TDRD7: variants seen among roughly 807,000 people sequenced by gnomAD.
The protein encoded by TDRD7 is tudor domain containing 7, also known as tudor domain-containing protein 7.
In TDRD7, 47 loss-of-function variants were observed where a neutral mutation model predicts 109.8. That is an observed-to-expected ratio of 0.43 (90% CI 0.34 to 0.55). The LOEUF is 0.55. TDRD7 is among the 20% of genes least tolerant of loss of function. The pLI, the probability that TDRD7 is intolerant of heterozygous loss-of-function variation, is 0.03. For synonymous variants in TDRD7, 424 were observed against 457.3 expected (o/e 0.93, Z 0.93); for missense variants, 1,164 against 1,319.2 (o/e 0.88, Z 1.82).
intron 1 of TDRD7, among the ~76,000 whole-genome samples, chr9:97,425,820 G>T (rs1200396029): frequency 1.3e-5 from 2 of 152,176 alleles, no homozygotes; most frequent in Non-Finnish European, 2.9e-5. Context: ...TGCATTGTTA[G>T]GCAGTTTCAT....
chr9:97,446,645 G>C lies in TDRD7; in HGVS notation c.855+4770G>C, dbSNP rs149959255. Among the ~76,000 whole-genome samples the C allele has an allele frequency of 1.6e-3, 244 of 152,264 alleles. 1 individual carries two copies. The highest frequency in any genetic ancestry group is 5.6e-3 in the African/African-American group (233 of 41,560). The stretch of plus-strand genomic sequence containing the variant: ...ATTCTTAAAATTCTGAGTTGCATCA[G>C]TATAGCAGTTTCTCTAATATCAAAG... On this transcript the variant is annotated intron_variant, in intron 6 of 16. Coordinates refer to ENST00000355295, the MANE Select transcript of TDRD7 (RefSeq NM_014290.3).
At chr9:97,418,969 A>G (rs1350163375) in intron 1 of TDRD7, among the ~76,000 whole-genome samples, 1 of 152,210 alleles carries the variant, frequency 6.6e-6, no homozygotes, top group Non-Finnish European at 1.5e-5. Context: ...GCAAAGGGTA[A>G]GGCCTTCTTA....
In TDRD7 at chr9:97,475,450, G is replaced by A. The variant is rs1474489432; in HGVS notation, c.2147G>A (p.Gly716Glu). 7.4e-6 allele frequency: 12 copies of A among 1,613,066 alleles called. No individual in the cohort carries two copies. Among genetic ancestry groups the A allele is most frequent in the Non-Finnish European group, 9.3e-6 (11 of 1,179,334 alleles). Residue 716 changes from glycine to glutamate, a missense_variant, in exon 12 of 17, where the codon GGA (glycine) becomes GAA (glutamate). Physicochemically the swap from Gly to Glu is moderately conservative, Grantham distance 98 (BLOSUM62 -2). This residue lies in a region of TDRD7 where 261 missense variants were observed against 336.2 expected (regional missense o/e 0.78). Coordinates refer to ENST00000355295, the MANE Select transcript of TDRD7 (RefSeq NM_014290.3). ...AAAATCTGCCTCTTCCATTGCAAAGGAAAATGGTTACGAGTAGAGGTAAAA... is the reference window on the plus strand; with the variant it reads ...AAAATCTGCCTCTTCCATTGCAAAGAAAAATGGTTACGAGTAGAGGTAAAA... ...CGKICLFHCK[G>E]KWLRVEITNV...
At chr9:97,429,279 C>T (rs1316122119) in intron 2 of TDRD7, among the ~76,000 whole-genome samples, 2 of 152,256 alleles carry the variant, frequency 1.3e-5, no homozygotes, top group South Asian at 2.1e-4. Flanking sequence ...TAGTGGTAGC[C>T]GGTTGATCTG....
In TDRD7 at chr9:97,478,424, C is replaced by T; in HGVS notation, c.2167-15C>T. 6.2e-7 allele frequency: 1 copy of T among 1,613,914 alleles called. No homozygotes were observed. The highest frequency in any genetic ancestry group is 8.5e-7 in the Non-Finnish European group (1 of 1,179,908). ...GAATATGCTAATAAATGAGCCAACA[C>T]TTATCTCATTTCAGATCACAAATGT... On this transcript the variant is annotated splice_polypyrimidine_tract_variant and intron_variant, in intron 12 of 16. Transcript: ENST00000355295.
At chr9:97,447,950 T>C (rs559160131) in intron 6 of TDRD7, among the ~76,000 whole-genome samples, 2 of 152,318 alleles carry the variant, frequency 1.3e-5, no homozygotes, top group Non-Finnish European at 2.9e-5. Flanking sequence ...CTAAAGAGCA[T>C]TGGTGAAAGG....
intron 6 of TDRD7, among the ~76,000 whole-genome samples, chr9:97,446,073 A>G (rs1432615607): frequency 6.6e-6 from 1 of 152,186 alleles, no homozygotes; most frequent in Non-Finnish European, 1.5e-5. Flanking sequence ...TCAAGGTTGC[A>G]GAGCTATGAT....
In TDRD7 at chr9:97,460,899, T is replaced by TG. The variant is rs1828708040; in HGVS notation, c.1442+138dup. 1.1e-5 allele frequency: 9 copies of TG among 819,628 alleles called. No individual in the cohort carries two copies. In the South Asian group the frequency reaches 1.3e-4, roughly 12 times the overall value. 50.8% of individuals were successfully genotyped at this position (819,628 alleles called of 1,614,324 possible). On this transcript the variant is annotated intron_variant, in intron 7 of 16. Transcript: ENST00000355295. ...GCTCACACCTGTAATCCCAGCACTT[T>TG]GGGAGGCCGAGGTGGGCGGATCACA... is the stretch of plus-strand genomic sequence containing the variant.
intron 1 of TDRD7, among the ~76,000 whole-genome samples, chr9:97,413,753 C>T (rs892024009): frequency 3.9e-5 from 6 of 152,214 alleles, no homozygotes; most frequent in Non-Finnish European, 7.3e-5. Flanking sequence ...ACACAGCCTC[C>T]GTCTTTGGTA....
intron 6 of TDRD7, among the ~76,000 whole-genome samples, chr9:97,457,967 T>TA (rs1564205065): frequency 6.6e-6 from 1 of 152,076 alleles, no homozygotes; most frequent in Non-Finnish European, 1.5e-5. Context: ...GAACAACACT[T>TA]ACCAGGGCCT....
At chr9:97,431,386 G>A (rs1186926311) in intron 3 of TDRD7, among the ~76,000 whole-genome samples, 1 of 152,076 alleles carries the variant, frequency 6.6e-6, no homozygotes, top group Non-Finnish European at 1.5e-5. Flanking sequence ...AATGTTGGCT[G>A]CACCAAGAAC....
At chr9:97,470,694 C>G in intron 9 of TDRD7, 25 bp downstream of exon 9, 1 of 1,567,274 alleles carries the variant, frequency 6.4e-7, no homozygotes, top group East Asian at 2.2e-5. Flanking sequence ...TTAAAAAACT[C>G]TCTCCATTTC....
At chr9:97,413,292 A>G (rs1191082282) in intron 1 of TDRD7, among the ~76,000 whole-genome samples, 1 of 152,242 alleles carries the variant, frequency 6.6e-6, no homozygotes, top group Non-Finnish European at 1.5e-5. Flanking sequence ...ACTGCAAATA[A>G]TGTGAACTTT....
intron 1 of TDRD7, among the ~76,000 whole-genome samples, chr9:97,413,270 A>T (rs1417021915): frequency 1.3e-5 from 2 of 152,222 alleles, no homozygotes; most frequent in African/African-American, 4.8e-5. Flanking sequence ...GATGTGTATG[A>T]ATGTGTTGCA....
rs1347736828 is a variant in TDRD7 at position 97,432,054 on chromosome 9, G to A, written c.379G>A (p.Gly127Arg). Reference protein sequence around the residue: ...GKPKATLRQPGFASNFSVGKK... With the variant: ...GKPKATLRQPRFASNFSVGKK... ...ACCAAAAGCAACCCTCAGACAACCA[G>A]GATTTGCTTCAAATTTTTCTGTTGG... The change falls in exon 4 of 17, where the codon GGA (glycine) becomes AGA (arginine). Residue 127 changes from glycine (G) to arginine (R), a missense_variant. By Grantham distance (125) the Gly-to-Arg change is moderately radical. Around this residue, in one of 5 missense-constraint regions of TDRD7, gnomAD observed 407 missense variants for 394.0 expected, o/e 1.03. Transcript: ENST00000355295. The A allele has an allele frequency of 6.8e-6, 11 of 1,613,670 alleles. No individual in the cohort carries two copies.
At chr9:97,490,548 G>T (rs1369944665) in intron 16 of TDRD7, among the ~76,000 whole-genome samples, 1 of 107,010 alleles carries the variant, frequency 9.3e-6, no homozygotes, top group East Asian at 2.6e-4. Flanking sequence ...ATATATTTTG[G>T]TGGGGGGGGG....
intron 15 of TDRD7, among the ~76,000 whole-genome samples, chr9:97,486,643 C>G (rs545490009): frequency 6.6e-6 from 1 of 152,252 alleles, no homozygotes; most frequent in South Asian, 2.1e-4. Flanking sequence ...CCACACATTC[C>G]ACTCTCTAAC....
chr9:97,478,879 A>G (rs1829068129), intron 13 of TDRD7, among the ~76,000 whole-genome samples: 1 of 152,168 alleles, frequency 6.6e-6, no homozygotes, highest in Admixed American at 6.6e-5. Context: ...GTACAGTTCC[A>G]GAATATTGTG....
rs187852820 is a variant in TDRD7 at position 97,482,253 on chromosome 9, C to T, written c.2413-596C>T. Reference sequence around the variant, plus strand: ...GGAGCTTGCTTCCTCTTTTTCTCCCCAGGTCCCTCTCCTCCCATGTAATTG... The same window carrying T: ...GGAGCTTGCTTCCTCTTTTTCTCCCTAGGTCCCTCTCCTCCCATGTAATTG... On this transcript the variant is annotated intron_variant, in intron 14 of 16. Coordinates refer to ENST00000355295, the MANE Select transcript of TDRD7 (RefSeq NM_014290.3). 4.6e-5 allele frequency among the ~76,000 whole-genome samples: 7 copies of T among 152,244 alleles called. No individual in the cohort carries two copies. The East Asian group carries it at 1.2e-3, about 25-fold the overall frequency.
Sources: allele counts gnomAD v4.1 joint callset (sites outside exome capture counted in the v4.1 genomes callset), GRCh38; gene constraint gnomAD v4.1.1; regional missense constraint gnomAD v4.1.1; transcripts MANE v1.5; gene names NCBI Gene and HGNC (gene_info 2026-07-23, HGNC 2026-07-21).